GALNT17: variants seen among roughly 807,000 people sequenced by gnomAD.
GALNT17 encodes the protein UDP-GalNAc:polypeptide N-acetylgalactosaminyltransferase-like 3.
Under a neutral mutation model 63.7 loss-of-function variants are expected in GALNT17, and 29 were observed. The ratio of observed to expected loss-of-function variants is 0.46; its 90% CI spans 0.34 to 0.62. The LOEUF (loss-of-function observed/expected upper bound fraction) is 0.62. Ranked by LOEUF, GALNT17 falls within the 20% of genes least tolerant of loss-of-function variation. The pLI, the probability that GALNT17 is intolerant of heterozygous loss-of-function variation, is 0.01. For missense variants in GALNT17, 603 were observed against 799.6 expected, an observed-to-expected ratio of 0.75 and a Z score of 2.97; for synonymous variants, 305 against 318.3, an observed-to-expected ratio of 0.96 and a Z score of 0.45.
intron 1 of GALNT17, among the ~76,000 whole-genome samples, chr7:71,139,648 C>G (rs1787849690): frequency 1.3e-5 from 2 of 152,138 alleles, no homozygotes; most frequent in Middle Eastern, 3.4e-3. Context: ...TGATTTGGCA[C>G]AGAGAGAGGA....
At chr7:71,201,239 T>TATATATA (rs1554338078) in intron 1 of GALNT17, among the ~76,000 whole-genome samples, 1,806 of 101,590 alleles carry the variant, frequency 0.018, 73 homozygotes, top group African/African-American at 0.066. Context: ...GTGTGTTTAT[T>TATATATA]TTTATATATA....
intron 6 of GALNT17, among the ~76,000 whole-genome samples, chr7:71,601,160 C>G (rs1304219466): frequency 6.6e-6 from 1 of 151,594 alleles, no homozygotes; most frequent in Non-Finnish European, 1.5e-5. Context: ...ATATATCTAC[C>G]ACAGTTTCTT....
intron 1 of GALNT17, among the ~76,000 whole-genome samples, chr7:71,212,165 G>T (rs775585956): frequency 6.6e-6 from 1 of 152,208 alleles, no homozygotes; most frequent in East Asian, 1.9e-4. Context: ...TCCCTGTGCT[G>T]TGTGCAGCCT....
intron 1 of GALNT17, among the ~76,000 whole-genome samples, chr7:71,288,694 C>T (rs897040735): frequency 6.6e-6 from 1 of 152,132 alleles, no homozygotes; most frequent in African/African-American, 2.4e-5. Context: ...TTTGCTTCCT[C>T]ATTTTCTGCT....
chr7:71,192,409 T>TC (rs947862003), intron 1 of GALNT17, among the ~76,000 whole-genome samples: 2 of 152,022 alleles, frequency 1.3e-5, no homozygotes, highest in African/African-American at 4.8e-5. Flanking sequence ...TTTTTTTTTT[T>TC]TTTGGAGGTG....
At chr7:71,330,830 A>G (rs1351641368) in intron 1 of GALNT17, among the ~76,000 whole-genome samples, 2 of 152,156 alleles carry the variant, frequency 1.3e-5, no homozygotes, top group Non-Finnish European at 2.9e-5. Flanking sequence ...CGCCGGATGC[A>G]ATTCCTCCTG....
chr7:71,238,111 G>C (rs183416433), intron 1 of GALNT17, among the ~76,000 whole-genome samples: 2 of 152,306 alleles, frequency 1.3e-5, no homozygotes, highest in East Asian at 3.9e-4. Flanking sequence ...AGCCAGAGCT[G>C]GGCAGCTCCC....
chr7:71,495,755 T>C (rs188144564), intron 5 of GALNT17, among the ~76,000 whole-genome samples: 2 of 152,312 alleles, frequency 1.3e-5, no homozygotes, highest in East Asian at 3.9e-4. Flanking sequence ...ATCGTAATAA[T>C]GCCTTTCCTA....
chr7:71,458,834 G>C (rs1200304640), intron 5 of GALNT17, among the ~76,000 whole-genome samples: 1 of 152,046 alleles, frequency 6.6e-6, no homozygotes, highest in African/African-American at 2.4e-5. Flanking sequence ...TGTTCAGCGG[G>C]TCTTCTGTTC....
At chr7:71,167,222 A>G (rs1017421930) in intron 1 of GALNT17, among the ~76,000 whole-genome samples, 19 of 151,682 alleles carry the variant, frequency 1.3e-4, no homozygotes, top group Non-Finnish European at 2.9e-5. Context: ...TTTCCGTTTT[A>G]TATTCCCACC....
chr7:71,414,970 A>C (rs1318380164), intron 3 of GALNT17, among the ~76,000 whole-genome samples: 1 of 148,658 alleles, frequency 6.7e-6, no homozygotes, highest in Non-Finnish European at 1.5e-5. Context: ...ATTTTTATGC[A>C]CACAAAGTAT....
intron 1 of GALNT17, among the ~76,000 whole-genome samples, chr7:71,136,702 G>A (rs562060547): frequency 2.0e-5 from 3 of 152,046 alleles, no homozygotes; most frequent in African/African-American, 7.2e-5. Flanking sequence ...TCAGGCTGGT[G>A]TTGAGTTCCT....
At chr7:71,197,940 G>T (rs967832937) in intron 1 of GALNT17, among the ~76,000 whole-genome samples, 2 of 152,054 alleles carry the variant, frequency 1.3e-5, no homozygotes, top group Non-Finnish European at 2.9e-5. Flanking sequence ...ACTCATGCCT[G>T]TAATCCCAGC....
chr7:71,214,923 C>T (rs1044282728), intron 1 of GALNT17, among the ~76,000 whole-genome samples: 1 of 152,142 alleles, frequency 6.6e-6, no homozygotes, highest in Admixed American at 6.5e-5. Flanking sequence ...AGATTAGGTT[C>T]CTTGTTGCAT....
At chr7:71,213,287 C>CT (rs1326393562) in intron 1 of GALNT17, among the ~76,000 whole-genome samples, 1 of 152,150 alleles carries the variant, frequency 6.6e-6, no homozygotes, top group Admixed American at 6.5e-5. Context: ...TAAGAAGTGG[C>CT]TTTTGCCTTC....
At chr7:71,277,548 C>T (rs1790704829) in intron 1 of GALNT17, among the ~76,000 whole-genome samples, 2 of 152,144 alleles carry the variant, frequency 1.3e-5, no homozygotes, top group African/African-American at 4.8e-5. Context: ...TAACTTGTTA[C>T]ACAGTATATG....
At chr7:71,692,718 AT>A (rs749907977) in intron 9 of GALNT17, among the ~76,000 whole-genome samples, 2 of 137,298 alleles carry the variant, frequency 1.5e-5, no homozygotes, top group African/African-American at 5.4e-5. Flanking sequence ...GTACTTTTTA[AT>A]TTTTTTATTT....
intron 1 of GALNT17, among the ~76,000 whole-genome samples, chr7:71,175,469 T>G (rs1788621852): frequency 6.6e-6 from 1 of 152,222 alleles, no homozygotes; most frequent in Admixed American, 6.5e-5. Flanking sequence ...ATCAAATATC[T>G]TATCTACTAT....
intron 5 of GALNT17, among the ~76,000 whole-genome samples, chr7:71,493,212 C>T (rs995058761): frequency 1.3e-5 from 2 of 152,090 alleles, no homozygotes; most frequent in Admixed American, 1.3e-4. Context: ...GGTTTTTCCT[C>T]CAGGACAGTG....
Sources: allele counts gnomAD v4.1 joint callset (sites outside exome capture counted in the v4.1 genomes callset), GRCh38; gene constraint gnomAD v4.1.1; transcripts MANE v1.5; gene names NCBI Gene and HGNC (gene_info 2026-07-23, HGNC 2026-07-21).